UIMC1: variants seen among roughly 807,000 people sequenced by gnomAD.
The protein encoded by UIMC1 is ubiquitin interaction motif containing 1, also known as BRCA1-A complex subunit RAP80.
UIMC1 carries 42 observed loss-of-function variants against 84.9 expected under a neutral mutation model. That is an observed-to-expected ratio of 0.49 (90% CI 0.39 to 0.64). The LOEUF (loss-of-function observed/expected upper bound fraction) is 0.64. UIMC1 is among the 30% of genes least tolerant of loss of function. The pLI, the probability that UIMC1 is intolerant of heterozygous loss-of-function variation, is 0.00. For synonymous variants in UIMC1, 281 were observed against 293.0 expected, an observed-to-expected ratio of 0.96 and a Z score of 0.42; for missense variants, 825 against 847.6, an observed-to-expected ratio of 0.97 and a Z score of 0.33.
At chr5:176,924,075 T>TG (rs916022784) in intron 10 of UIMC1, among the ~76,000 whole-genome samples, 10 of 151,990 alleles carry the variant, frequency 6.6e-5, no homozygotes, top group East Asian at 3.9e-4. Flanking sequence ...CCCAGCACTT[T>TG]GGGGGGCCGA....
At chr5:176,924,445 G>T (rs956738913) in intron 10 of UIMC1, among the ~76,000 whole-genome samples, 18 of 151,988 alleles carry the variant, frequency 1.2e-4, no homozygotes, top group African/African-American at 4.1e-4. Context: ...CACTTGTACT[G>T]GCATAAAGAC....
At chr5:176,986,383 A>AAAG (rs1772002173) in intron 1 of UIMC1, among the ~76,000 whole-genome samples, 1 of 148,644 alleles carries the variant, frequency 6.7e-6, no homozygotes, top group Non-Finnish European at 1.5e-5. Context: ...AAAAAAAAAA[A>AAAG]AAAAGTAAGG....
intron 10 of UIMC1, among the ~76,000 whole-genome samples, chr5:176,912,447 G>A (rs1760339499): frequency 6.7e-6 from 1 of 150,286 alleles, no homozygotes; most frequent in South Asian, 2.1e-4. Flanking sequence ...TCCCTGACAA[G>A]TAATGATACA....
chr5:176,921,694 T>C (rs569674147), intron 10 of UIMC1, among the ~76,000 whole-genome samples: 5 of 152,154 alleles, frequency 3.3e-5, no homozygotes, highest in Non-Finnish European at 5.9e-5. Context: ...GCTACCTCTA[T>C]GGTCAAAGCA....
intron 10 of UIMC1, among the ~76,000 whole-genome samples, chr5:176,931,575 G>A (rs930069103): frequency 2.0e-5 from 3 of 152,194 alleles, no homozygotes; most frequent in African/African-American, 7.2e-5. Flanking sequence ...TCATGCAGAC[G>A]TACACTGCAG....
chr5:176,911,195 A>C, intron 11 of UIMC1, 116 bp downstream of exon 11: 2 of 697,404 alleles, frequency 2.9e-6, no homozygotes, highest in Non-Finnish European at 4.5e-6. Context: ...GCATCCAAGC[A>C]ATGAAGCAAT....
At chr5:176,911,256 G>C in intron 11 of UIMC1, 55 bp downstream of exon 11, 1 of 1,449,352 alleles carries the variant, frequency 6.9e-7, no homozygotes, top group Non-Finnish European at 9.3e-7. Flanking sequence ...TTTTTATTCA[G>C]TCCAAACGAT....
intron 2 of UIMC1, among the ~76,000 whole-genome samples, chr5:176,977,140 T>C (rs1464231260): frequency 1.3e-5 from 2 of 151,264 alleles, no homozygotes; most frequent in Middle Eastern, 3.2e-3. Flanking sequence ...TGAGAATCAC[T>C]TGAACCCGGG....
At chr5:177,015,417 C>T (rs1413190437) in intron 1 of UIMC1, among the ~76,000 whole-genome samples, 5 of 152,152 alleles carry the variant, frequency 3.3e-5, no homozygotes, top group Admixed American at 6.6e-5. Context: ...CAAGATATGA[C>T]GGCTATCTGT....
At chr5:176,975,267 C>T (rs1581604986) in intron 3 of UIMC1, 129 bp downstream of exon 3, 1 of 887,700 alleles carries the variant, frequency 1.1e-6, no homozygotes, top group East Asian at 2.8e-5. Context: ...GCAACAAAAA[C>T]TGATAAATTC....
intron 1 of UIMC1, among the ~76,000 whole-genome samples, chr5:176,993,345 C>A (rs1047304627): frequency 1.3e-5 from 2 of 152,018 alleles, no homozygotes; most frequent in African/African-American, 4.8e-5. Flanking sequence ...GCCACCACAC[C>A]CAGCTAATTT....
chr5:176,907,858 T>A (rs1158847167), intron 12 of UIMC1, among the ~76,000 whole-genome samples: 1 of 152,218 alleles, frequency 6.6e-6, no homozygotes, highest in African/African-American at 2.4e-5. Context: ...ACCTAATAGT[T>A]CCGTATCAGA....
At chr5:177,001,743 T>A (rs559871810) in intron 1 of UIMC1, among the ~76,000 whole-genome samples, 2 of 145,580 alleles carry the variant, frequency 1.4e-5, no homozygotes, top group East Asian at 4.0e-4. Context: ...ATCGAGACCA[T>A]CCTGGCTAAC....
chr5:176,949,107 A>T (rs887189016), intron 9 of UIMC1, among the ~76,000 whole-genome samples: 24 of 151,400 alleles, frequency 1.6e-4, no homozygotes, highest in Non-Finnish European at 2.8e-4. Flanking sequence ...AAATTTATTT[A>T]TTTATTTTTT....
intron 1 of UIMC1, among the ~76,000 whole-genome samples, chr5:176,986,538 C>CAA (rs34922824): frequency 0.014 from 1,095 of 79,272 alleles, 25 homozygotes; most frequent in South Asian, 0.019. Context: ...ACCCTGTCTC[C>CAA]AAAAAAAAAA....
At position 176,959,535 on chromosome 5, in the gene UIMC1, T is replaced by G. The variant is rs1002302441; in HGVS notation, c.1201-1381A>C. ...ATCGAGACCATCCCAGCTAAAACGG[T>G]GAAACCCCGTCTCTACTAAAAATAC... On this transcript the variant is annotated intron_variant, in intron 6 of 14. Coordinates refer to ENST00000511320, the MANE Select transcript of UIMC1 (RefSeq NM_001199298.2). 8.9e-4 allele frequency among the ~76,000 whole-genome samples: 131 copies of G among 146,862 alleles called. 2 individuals are homozygous for G. The Middle Eastern group carries it at 0.015, about 17-fold the overall frequency.
chr5:177,004,232 G>A (rs1277856361), intron 1 of UIMC1, among the ~76,000 whole-genome samples: 2 of 152,140 alleles, frequency 1.3e-5, no homozygotes, highest in East Asian at 1.9e-4. Flanking sequence ...GCAGGCTCAA[G>A]GTGGGTTTTC....
chr5:176,965,767 T>C (rs2149478842), intron 6 of UIMC1, among the ~76,000 whole-genome samples: 2 of 152,354 alleles, frequency 1.3e-5, no homozygotes, highest in South Asian at 4.1e-4. Flanking sequence ...CACTAGATTT[T>C]GACTTCTTCC....
At chr5:176,957,942 G>C (rs1304249503) in intron 7 of UIMC1, 151 bp downstream of exon 7, 9 of 538,070 alleles carry the variant, frequency 1.7e-5, no homozygotes, top group African/African-American at 3.8e-5. Context: ...TGAGAACTTA[G>C]AGATACTAAT....
Sources: gnomAD v4.1 joint callset for allele counts (sites outside exome capture counted in the v4.1 genomes callset) on GRCh38, gnomAD v4.1.1 for gene constraint, MANE v1.5 for transcripts, NCBI Gene and HGNC (gene_info 2026-07-23, HGNC 2026-07-21) for gene names.